GABRA3: variants seen among roughly 807,000 people sequenced by gnomAD.
GABRA3 encodes the protein gamma-aminobutyric acid type A receptor subunit alpha3.
Under a neutral mutation model 30.1 loss-of-function variants are expected in GABRA3, and 10 were observed. The observed-to-expected ratio is 0.33, with a 90% confidence interval of 0.20 to 0.56. GABRA3 has a LOEUF of 0.56. GABRA3 is among the 20% of genes least tolerant of loss of function. GABRA3 has a pLI of 0.89. For synonymous variants in GABRA3, 151 were observed against 146.8 expected (o/e 1.03, Z -0.21); for missense variants, 233 against 392.0 (o/e 0.59, Z 3.42).
chrX:152,364,473 C>T lies in GABRA3; in HGVS notation c.98G>A (p.Arg33Lys). 1 of 1,209,079 alleles carries T rather than the reference C, an allele frequency of 8.3e-7. No individual in the cohort carries two copies. The highest frequency in any genetic ancestry group is 1.1e-6 in the Non-Finnish European group (1 of 893,936). ...LPGTTGQGESRRQEPGDFVKQ... is the reference protein window; with the variant it reads ...LPGTTGQGESKRQEPGDFVKQ... ...CACAAAGTCCCCGGGTTCTTGTCGT[C>T]TTGATTCCCCTTGACCAGTGGTTCC... The change falls in exon 2 of 10, where the codon AGA becomes AAA. Residue 33 changes from arginine (R) to lysine (K), a missense_variant. By Grantham distance (26) the Arg-to-Lys change is conservative. Around this residue, in one of 6 missense-constraint regions of GABRA3, gnomAD observed 69 missense variants for 79.4 expected, o/e 0.87. Coordinates refer to ENST00000370314, the MANE Select transcript of GABRA3 (RefSeq NM_000808.4).
chrX:152,354,988 G>C (rs1940528330), intron 2 of GABRA3, among the ~76,000 whole-genome samples: 1 of 111,789 alleles, frequency 8.9e-6, no homozygotes, highest in South Asian at 3.7e-4. Flanking sequence ...TGTGGCCACA[G>C]GTGACAGTTT....
In GABRA3 at chrX:152,364,744, T is replaced by C. The variant is rs112985906; in HGVS notation, c.-26-148A>G. ...TCTCTAGTGTCTAGTTACTCAGTGC[T>C]TAATTCAACAGTCCCCTTTTCCCAG... is the stretch of plus-strand genomic sequence containing the variant. On this transcript the variant is annotated intron_variant, in intron 1 of 9. Coordinates refer to ENST00000370314, the MANE Select transcript of GABRA3 (RefSeq NM_000808.4). 7.5e-6 allele frequency: 3 copies of C among 398,736 alleles called. No homozygotes were observed. The African/African-American group carries it at 7.7e-5, about 10-fold the overall frequency. 32.9% of individuals were successfully genotyped at this position (398,736 alleles called of 1,213,427 possible). A position where few individuals can be genotyped will look rare whatever the true frequency, so the allele number is the denominator to read the frequency against.
chrX:152,252,901 C>T (rs1938580826), intron 5 of GABRA3, among the ~76,000 whole-genome samples: 1 of 111,485 alleles, frequency 9.0e-6, no homozygotes, highest in Admixed American at 9.5e-5. Flanking sequence ...TCTTGAGGGG[C>T]TTCCCATCCT....
At chrX:152,368,947 C>T (rs538329318) in intron 1 of GABRA3, among the ~76,000 whole-genome samples, 13 of 111,086 alleles carry the variant, frequency 1.2e-4, no homozygotes, top group East Asian at 8.6e-4. Flanking sequence ...CCTTGTGATC[C>T]GCCCATCTCG....
At chrX:152,415,086 A>G (rs1156272046) in intron 1 of GABRA3, among the ~76,000 whole-genome samples, 2 of 111,188 alleles carry the variant, frequency 1.8e-5, no homozygotes, top group African/African-American at 3.3e-5. Context: ...ATTGGTGGAT[A>G]CAATGCATTA....
chrX:152,298,317 G>A (rs988144849), intron 3 of GABRA3, among the ~76,000 whole-genome samples: 14 of 108,576 alleles, frequency 1.3e-4, no homozygotes, highest in African/African-American at 3.4e-4. Flanking sequence ...GTTGGTGTGC[G>A]GCACCCATTA....
chrX:152,300,196 C>A (rs747988606), intron 3 of GABRA3, among the ~76,000 whole-genome samples: 2 of 112,467 alleles, frequency 1.8e-5, no homozygotes, highest in South Asian at 7.3e-4. Flanking sequence ...GGTACAGATA[C>A]AAGGCTGCAT....
intron 1 of GABRA3, among the ~76,000 whole-genome samples, chrX:152,422,706 C>T (rs1006123693): frequency 1.8e-5 from 2 of 110,756 alleles, no homozygotes; most frequent in Non-Finnish European, 3.8e-5. Flanking sequence ...AATAAAATTC[C>T]CAACACAATA....
At chrX:152,329,080 T>C (rs755929555) in intron 3 of GABRA3, among the ~76,000 whole-genome samples, 4 of 111,473 alleles carry the variant, frequency 3.6e-5, no homozygotes, top group Admixed American at 9.5e-5. Flanking sequence ...ACATCATGAG[T>C]GAACTCCCAT....
intron 1 of GABRA3, among the ~76,000 whole-genome samples, chrX:152,431,112 C>T (rs146263861): frequency 2.7e-4 from 30 of 111,438 alleles, no homozygotes; most frequent in Middle Eastern, 4.7e-3. Context: ...GAAAGAAAGA[C>T]GAAATTGAGC....
At chrX:152,173,522 C>A (rs188128356) in intron 9 of GABRA3, among the ~76,000 whole-genome samples, 1 of 111,324 alleles carries the variant, frequency 9.0e-6, no homozygotes, top group Non-Finnish European at 1.9e-5. Flanking sequence ...TCTCGGCTCA[C>A]TGCAATCTCT....
chrX:152,270,897 T>A (rs1938921859), intron 4 of GABRA3, among the ~76,000 whole-genome samples: 1 of 108,061 alleles, frequency 9.3e-6, no homozygotes, highest in Non-Finnish European at 1.9e-5. Flanking sequence ...ACTTTGGAAC[T>A]TCCTGGAGAC....
chrX:152,289,422 G>C (rs1440395857), intron 3 of GABRA3, among the ~76,000 whole-genome samples: 1 of 107,875 alleles, frequency 9.3e-6, no homozygotes, highest in Non-Finnish European at 1.9e-5. Context: ...TGCTCTTCTT[G>C]TTTCTTTCCA....
chrX:152,372,826 G>A (rs189143630), intron 1 of GABRA3, among the ~76,000 whole-genome samples: 6 of 111,815 alleles, frequency 5.4e-5, no homozygotes, highest in African/African-American at 2.0e-4. Context: ...AATAAATTGG[G>A]ATTTATATTA....
intron 3 of GABRA3, among the ~76,000 whole-genome samples, chrX:152,326,660 AT>A (rs753920848): frequency 6.3e-5 from 7 of 111,662 alleles, no homozygotes; most frequent in Non-Finnish European, 9.4e-5. Flanking sequence ...ATGCTGAGAG[AT>A]TTTGTCACCA....
At chrX:152,295,092 G>C (rs1175207701) in intron 3 of GABRA3, among the ~76,000 whole-genome samples, 2 of 112,007 alleles carry the variant, frequency 1.8e-5, no homozygotes, top group African/African-American at 6.5e-5. Flanking sequence ...TTACCCGCCT[G>C]TAATGAGGTG....
At chrX:152,184,799 C>T (rs1472302245) in intron 9 of GABRA3, among the ~76,000 whole-genome samples, 4 of 111,407 alleles carry the variant, frequency 3.6e-5, no homozygotes, top group Non-Finnish European at 7.5e-5. Context: ...TTCCTTTACT[C>T]TCATTTTAGC....
At chrX:152,290,952 T>A (rs1939400762) in intron 3 of GABRA3, among the ~76,000 whole-genome samples, 1 of 111,862 alleles carries the variant, frequency 8.9e-6, no homozygotes, top group South Asian at 3.8e-4. Flanking sequence ...TAGCATGACG[T>A]CTCCAGCTTT....
chrX:152,374,747 G>A (rs1212726012), intron 1 of GABRA3, among the ~76,000 whole-genome samples: 2 of 111,278 alleles, frequency 1.8e-5, no homozygotes, highest in Admixed American at 9.6e-5. Context: ...TTTCTTCTAG[G>A]ATTTTCTTCA....
Sources: allele counts gnomAD v4.1 joint callset (sites outside exome capture counted in the v4.1 genomes callset), GRCh38; gene constraint gnomAD v4.1.1; regional missense constraint gnomAD v4.1.1; transcripts MANE v1.5; gene names NCBI Gene and HGNC (gene_info 2026-07-23, HGNC 2026-07-21).